C12orf42: variants seen among roughly 807,000 people sequenced by gnomAD.
C12orf42 encodes uncharacterized protein C12orf42.
In C12orf42, 25 loss-of-function variants were observed where a neutral mutation model predicts 21.6. The observed-to-expected ratio is 1.16, with a 90% CI of 0.84 to 1.62. The LOEUF is 1.62. Among genes scored for constraint, C12orf42 ranks in the 40% most tolerant of loss-of-function variants. The probability of loss-of-function intolerance (pLI) is 0.00; values close to 1 mark genes in which losing one functional copy is unlikely to be tolerated. For missense variants in C12orf42, 483 were observed against 459.3 expected, an observed-to-expected ratio of 1.05 and a Z score of -0.47; for synonymous variants, 174 against 175.0, an observed-to-expected ratio of 0.99 and a Z score of 0.05.
chr12:103,394,056 G>C (rs1300841201), intron 3 of C12orf42, among the ~76,000 whole-genome samples: 2 of 152,146 alleles, frequency 1.3e-5, no homozygotes, highest in African/African-American at 4.8e-5. Flanking sequence ...TTTTCTTTCA[G>C]ATGTTCATAC....
At chr12:103,157,791 T>C in the C12orf42 span, among the ~76,000 whole-genome samples, 1 of 152,236 alleles carries the variant, frequency 6.6e-6, no homozygotes, top group East Asian at 1.9e-4. Flanking sequence ...GTGTGTGGTG[T>C]TATTTCTGAG....
At chr12:103,464,331 T>G (rs1205871966) in intron 2 of C12orf42, among the ~76,000 whole-genome samples, 1 of 152,190 alleles carries the variant, frequency 6.6e-6, no homozygotes, top group Non-Finnish European at 1.5e-5. Context: ...TCAGTGATAT[T>G]GAGCTTTTTT....
In C12orf42 at chr12:103,463,113, C is replaced by T. The variant is rs545079803; in HGVS notation, c.78+15236G>A. ...AAATCAAACAGAAACAAAGTATATA[C>T]ATAAAAGCTTACTGCAGTGCTAACA... On this transcript the variant is annotated intron_variant, in intron 2 of 5. Coordinates refer to ENST00000548883, the MANE Select transcript of C12orf42 (RefSeq NM_198521.5). Among the ~76,000 whole-genome samples the T allele has an allele frequency of 1.1e-3, 165 of 152,260 alleles. 3 individuals carry two copies. In the Middle Eastern group the frequency reaches 0.014, roughly 13 times the overall value.
At chr12:103,392,737 G>A (rs2374045) in intron 3 of C12orf42, among the ~76,000 whole-genome samples, 93,607 of 152,144 alleles carry the variant, frequency 0.62, 30,000 homozygotes, top group Admixed American at 0.73. Context: ...AAACAAATCT[G>A]TAAAGTAGCA....
At chr12:103,452,208 T>G (rs1039421187) in intron 2 of C12orf42, among the ~76,000 whole-genome samples, 3 of 151,596 alleles carry the variant, frequency 2.0e-5, no homozygotes, top group Non-Finnish European at 1.5e-5. Context: ...GGATTACAGG[T>G]TTTTCACATC....
In C12orf42 at chr12:103,301,960, T is replaced by C. The variant is rs1469105480; in HGVS notation, c.*148A>G. ...ACATTTTTGGCTGCGCTAGGGACTTTTGACATTATTTATTAGGTTCAAAAA... is the reference window on the plus strand; with the variant it reads ...ACATTTTTGGCTGCGCTAGGGACTTCTGACATTATTTATTAGGTTCAAAAA... On this transcript the variant is annotated 3_prime_UTR_variant, in exon 6 of 6. Transcript: ENST00000548883. 4.3e-6 allele frequency: 4 copies of C among 931,526 alleles called. No individual in the cohort carries two copies. The highest frequency in any genetic ancestry group is 3.4e-5 in the African/African-American group (2 of 59,568). The allele number at this position is 931,526 out of a possible 1,614,324, so 57.7% of individuals were successfully genotyped here.
the C12orf42 span, among the ~76,000 whole-genome samples, chr12:103,145,184 A>C: frequency 3.3e-5 from 5 of 152,240 alleles, no homozygotes; most frequent in Admixed American, 3.3e-4. Flanking sequence ...AAGCATTTCG[A>C]ACTGTTTAGA....
chr12:103,413,293 C>G (rs1045520553), intron 2 of C12orf42, among the ~76,000 whole-genome samples: 2 of 152,172 alleles, frequency 1.3e-5, no homozygotes, highest in African/African-American at 2.4e-5. Context: ...GTTTTCTATT[C>G]TGTTCCATTG....
the C12orf42 span, among the ~76,000 whole-genome samples, chr12:103,562,742 G>A: frequency 1.3e-5 from 2 of 152,114 alleles, no homozygotes. Flanking sequence ...CCACATCAGG[G>A]GGATAGGCCC....
chr12:103,186,984 A>G, the C12orf42 span, among the ~76,000 whole-genome samples: 2 of 152,188 alleles, frequency 1.3e-5, no homozygotes, highest in East Asian at 3.9e-4. Flanking sequence ...TTGTTCCAAA[A>G]AAATTTACTC....
intron 3 of C12orf42, among the ~76,000 whole-genome samples, chr12:103,381,911 C>T (rs950268175): frequency 5.2e-5 from 5 of 96,784 alleles, no homozygotes; most frequent in South Asian, 2.9e-4. Context: ...AGTGAGACTC[C>T]GTCTCAAAAA....
chr12:103,167,401 C>T, the C12orf42 span, among the ~76,000 whole-genome samples: 471 of 152,286 alleles, frequency 3.1e-3, 1 homozygote, highest in African/African-American at 0.011. Flanking sequence ...AAGCTTCTCC[C>T]ACTCATCCCC....
the C12orf42 span, among the ~76,000 whole-genome samples, chr12:103,154,130 T>G: frequency 6.7e-6 from 1 of 149,644 alleles, no homozygotes; most frequent in Admixed American, 6.7e-5. Flanking sequence ...ATAGCATAAC[T>G]AATTATTGTT....
chr12:103,303,205 TG>T (rs1488488643), intron 5 of C12orf42, among the ~76,000 whole-genome samples: 1 of 152,196 alleles, frequency 6.6e-6, no homozygotes, highest in Non-Finnish European at 1.5e-5. Context: ...ACAAAAGATG[TG>T]TTTTTTTACA....
At chr12:103,343,889 T>C (rs1255704996) in intron 4 of C12orf42, among the ~76,000 whole-genome samples, 1 of 152,186 alleles carries the variant, frequency 6.6e-6, no homozygotes, top group African/African-American at 2.4e-5. Flanking sequence ...GAGGAGAAAG[T>C]CCACTGTTTT....
At chr12:103,097,678 G>C in the C12orf42 span, among the ~76,000 whole-genome samples, 1 of 152,220 alleles carries the variant, frequency 6.6e-6, no homozygotes, top group Non-Finnish European at 1.5e-5. Flanking sequence ...ATGGAGGTCA[G>C]TGTGTGGTAT....
At chr12:103,207,300 T>C in the C12orf42 span, among the ~76,000 whole-genome samples, 1 of 152,224 alleles carries the variant, frequency 6.6e-6, no homozygotes, top group Admixed American at 6.5e-5. Flanking sequence ...ACTCAGACTA[T>C]GCTGACTGAT....
the C12orf42 span, among the ~76,000 whole-genome samples, chr12:103,228,711 C>T: frequency 6.6e-6 from 1 of 152,042 alleles, no homozygotes; most frequent in Non-Finnish European, 1.5e-5. Flanking sequence ...TTCCCTTGTA[C>T]TGAGTATATT....
intron 4 of C12orf42, among the ~76,000 whole-genome samples, chr12:103,312,150 CAG>C (rs1380882477): frequency 1.3e-5 from 2 of 152,270 alleles, no homozygotes; most frequent in African/African-American, 4.8e-5. Context: ...GAGGAGGAAA[CAG>C]AGATACAAAG....
Sources: gnomAD v4.1 joint callset for allele counts (sites outside exome capture counted in the v4.1 genomes callset) on GRCh38, gnomAD v4.1.1 for gene constraint, MANE v1.5 for transcripts, NCBI Gene and HGNC (gene_info 2026-07-23, HGNC 2026-07-21) for gene names.